EPB41L3: variants seen among roughly 807,000 people sequenced by gnomAD.
The protein encoded by EPB41L3 is erythrocyte membrane protein band 4.1 like 3.
EPB41L3 carries 57 observed loss-of-function variants against 127.1 expected under a neutral mutation model. The observed-to-expected ratio is 0.45, with a 90% CI of 0.36 to 0.56. EPB41L3 has a LOEUF of 0.56. Among genes scored for constraint, EPB41L3 ranks in the 20% least tolerant of loss-of-function variants. EPB41L3 has a pLI of 0.00. For missense variants in EPB41L3, 1,273 were observed against 1,372.2 expected (o/e 0.93, Z 1.14); for synonymous variants, 572 against 549.5 (o/e 1.04, Z -0.57).
At chr18:5,522,686 A>G (rs1206568020) in intron 1 of EPB41L3, among the ~76,000 whole-genome samples, 1 of 152,198 alleles carries the variant, frequency 6.6e-6, no homozygotes, top group Non-Finnish European at 1.5e-5. Flanking sequence ...CAATGTCTAC[A>G]TTTAAGGAGT....
intron 3 of EPB41L3, among the ~76,000 whole-genome samples, chr18:5,586,685 A>T (rs1165406755): frequency 1.3e-5 from 2 of 151,478 alleles, no homozygotes; most frequent in Non-Finnish European, 2.9e-5. Flanking sequence ...TACAGGCATG[A>T]GCTACAGTGC....
intron 3 of EPB41L3, among the ~76,000 whole-genome samples, chr18:5,566,772 CTATT>C (rs879944832): frequency 0.045 from 6,586 of 146,314 alleles, 242 homozygotes; most frequent in Non-Finnish European, 0.068. Context: ...CTATTCTATT[CTATT>C]CTATTCTATT....
In EPB41L3 at chr18:5,489,360, C is replaced by T. The variant is rs1246348284; in HGVS notation, c.-11-166G>A. The T allele has an allele frequency of 4.2e-6, 3 of 708,476 alleles. No individual in the cohort carries two copies. In the African/African-American group the frequency reaches 5.7e-5, roughly 14 times the overall value. 43.9% of individuals were successfully genotyped at this position (708,476 alleles called of 1,614,324 possible). A position where few individuals can be genotyped will look rare whatever the true frequency, so the allele number is the denominator to read the frequency against. On this transcript the variant is annotated intron_variant, in intron 1 of 22. Coordinates refer to ENST00000341928, the MANE Select transcript of EPB41L3 (RefSeq NM_012307.5). ...TGGACAGATGACTTGTCAACTTCAC[C>T]ACTGAGATGGGTGCCCACCAGGCAC...
At chr18:5,622,888 T>A (rs545876924) in intron 1 of EPB41L3, among the ~76,000 whole-genome samples, 1 of 151,790 alleles carries the variant, frequency 6.6e-6, no homozygotes, top group East Asian at 1.9e-4. Context: ...CTGTGAACAT[T>A]CCATGTTTGT....
chr18:5,564,432 G>T (rs1396252024), intron 3 of EPB41L3, among the ~76,000 whole-genome samples: 1 of 152,114 alleles, frequency 6.6e-6, no homozygotes, highest in African/African-American at 2.4e-5. Context: ...AGGGGTTTTT[G>T]TGTTTGCTTT....
rs116274755 is a variant in EPB41L3 at position 5,608,842 on chromosome 18, A to G, written c.-306+3498T>C. Among the ~76,000 whole-genome samples, 644 of 152,354 alleles carry G rather than the reference A, an allele frequency of 4.2e-3. 4 individuals are homozygous for G. The highest frequency in any genetic ancestry group is 0.014 in the African/African-American group (593 of 41,578). Reference sequence around the variant, plus strand: ...TAAAGAATCATAACATAACTCAATAAGCAAAACAGCTGATTAGGTGATAAT... The same window carrying G: ...TAAAGAATCATAACATAACTCAATAGGCAAAACAGCTGATTAGGTGATAAT... On this transcript the variant is annotated intron_variant, in intron 3 of 21. Transcript: ENST00000545076.
At chr18:5,613,551 G>A (rs982370477) in intron 2 of EPB41L3, among the ~76,000 whole-genome samples, 1 of 152,180 alleles carries the variant, frequency 6.6e-6, no homozygotes, top group Non-Finnish European at 1.5e-5. Flanking sequence ...CTTGAAGTAG[G>A]AGCCAGGGAC....
At chr18:5,564,651 T>C (rs1041860599) in intron 3 of EPB41L3, among the ~76,000 whole-genome samples, 10 of 152,156 alleles carry the variant, frequency 6.6e-5, no homozygotes, top group Admixed American at 4.6e-4. Flanking sequence ...CATTTATCAA[T>C]AAACACCTAC....
At chr18:5,555,872 G>A (rs920899956) in intron 3 of EPB41L3, among the ~76,000 whole-genome samples, 12 of 152,104 alleles carry the variant, frequency 7.9e-5, no homozygotes, top group East Asian at 3.9e-4. Context: ...CTCCACTCCC[G>A]TCGGCCCAGC....
At chr18:5,546,367 C>G (rs888382990), upstream of EPB41L3, among the ~76,000 whole-genome samples, 9 of 152,060 alleles carry the variant, frequency 5.9e-5, no homozygotes, top group Non-Finnish European at 8.8e-5. Context: ...CCCGTCTCTA[C>G]TAAAAACACA....
upstream of EPB41L3, among the ~76,000 whole-genome samples, chr18:5,629,766 C>T (rs562623530): frequency 6.6e-5 from 10 of 152,306 alleles, no homozygotes; most frequent in South Asian, 1.4e-3. Context: ...CAGCCCCACT[C>T]GCGTCCAGCC....
rs753296952 is a variant in EPB41L3 at position 5,416,378 on chromosome 18, A to T, written c.1507T>A (p.Ser503Thr). 1 of 1,609,508 alleles carries T rather than the reference A, an allele frequency of 6.2e-7. No individual in the cohort carries two copies. The highest frequency in any genetic ancestry group is 1.1e-5 in the South Asian group (1 of 90,790). Residue 503 changes from serine to threonine, a missense_variant and splice_region_variant, in exon 13 of 23, where the codon TCA becomes ACA. Physicochemically the swap from Ser to Thr is moderately conservative, Grantham distance 58 (BLOSUM62 1). Around this residue, in one of 3 missense-constraint regions of EPB41L3, gnomAD observed 765 missense variants for 782.9 expected, o/e 0.98. Coordinates refer to ENST00000341928, the MANE Select transcript of EPB41L3 (RefSeq NM_012307.5). ...CATGAGTCAGTGCCAAGCCCAGGTG[A>T]CTGATGTGAAAGAGACAGAAAGAGA... The part of the protein sequence containing the change: ...PISAIRHEGK[S>T]PGLGTDSCPL...
At chr18:5,610,396 T>G in intron 3 of EPB41L3, 1 of 656,878 alleles carries the variant, frequency 1.5e-6, no homozygotes, top group Non-Finnish European at 1.9e-6. Context: ...AAAAACAGGG[T>G]AGATAATTCA....
rs574345754 is a variant in EPB41L3, at chr18:5,488,981, G to A, written c.183+20C>T. On this transcript the variant is annotated intron_variant, in intron 2 of 22. Transcript: ENST00000341928. ...CAGCTCAGCAAACACTGCGTCATTAGTTTTCTGGCCTGGGCTCACCTCCCT... is the reference window on the plus strand; with the variant it reads ...CAGCTCAGCAAACACTGCGTCATTAATTTTCTGGCCTGGGCTCACCTCCCT... 1 of 1,566,566 alleles carries A rather than the reference G, an allele frequency of 6.4e-7. No homozygotes were observed. The highest frequency in any genetic ancestry group is 8.6e-7 in the Non-Finnish European group (1 of 1,168,332).
At chr18:5,588,535 GTA>G (rs5822865) in intron 3 of EPB41L3, among the ~76,000 whole-genome samples, 58,014 of 149,916 alleles carry the variant, frequency 0.39, 11,928 homozygotes, top group Non-Finnish European at 0.47. Context: ...GTAAATATGT[GTA>G]TATATATATA....
intron 1 of EPB41L3, among the ~76,000 whole-genome samples, chr18:5,501,940 T>G (rs1353152906): frequency 6.6e-6 from 1 of 152,188 alleles, no homozygotes; most frequent in Non-Finnish European, 1.5e-5. Context: ...CTGTTCACTG[T>G]GGGCCTGTAG....
chr18:5,565,304 C>T (rs1045757904), intron 3 of EPB41L3, among the ~76,000 whole-genome samples: 6 of 151,872 alleles, frequency 4.0e-5, no homozygotes, highest in Middle Eastern at 3.5e-3. Context: ...CCCAGATACT[C>T]GTGAGGCTGA....
At chr18:5,606,569 T>G (rs533139035) in intron 3 of EPB41L3, among the ~76,000 whole-genome samples, 15 of 152,304 alleles carry the variant, frequency 9.8e-5, no homozygotes. Context: ...CATTTTAATT[T>G]TAGTATCATT....
chr18:5,592,197 C>T (rs1224907658), intron 3 of EPB41L3, among the ~76,000 whole-genome samples: 18 of 152,158 alleles, frequency 1.2e-4, no homozygotes, highest in Admixed American at 9.2e-4. Context: ...GACAGAGTCT[C>T]GCTCTGTCAC....
Sources: allele counts gnomAD v4.1 joint callset (sites outside exome capture counted in the v4.1 genomes callset), GRCh38; gene constraint gnomAD v4.1.1; regional missense constraint gnomAD v4.1.1; transcripts MANE v1.5; gene names NCBI Gene and HGNC (gene_info 2026-07-23, HGNC 2026-07-21).